The following LARS2 variants were observed in gnomAD, a reference collection of about 807,000 sequenced individuals.
The protein encoded by LARS2 is leucyl-tRNA synthetase 2, mitochondrial, also known as leucine--tRNA ligase, mitochondrial.
In LARS2, 81 loss-of-function variants were observed where a neutral mutation model predicts 116.6. That is an observed-to-expected ratio of 0.69 (90% CI 0.58 to 0.84). The LOEUF (loss-of-function observed/expected upper bound fraction) is 0.84, where lower values mean the gene tolerates loss of function less well. Ranked by LOEUF, LARS2 falls within the 40% of genes least tolerant of loss-of-function variation. The pLI is 0.00. For missense variants in LARS2, 968 were observed against 1,114.5 expected (o/e 0.87, Z 1.87); for synonymous variants, 396 against 407.2 (o/e 0.97, Z 0.33).
In LARS2 at chr3:45,498,155, G is replaced by A. The variant is rs181227947; in HGVS notation, c.1622+1782G>A. On this transcript the variant is annotated intron_variant, in intron 14 of 21. Transcript: ENST00000645846. Reference sequence around the variant, plus strand: ...CTTTCTCAGAGTGCTTCAAAGGAAAGCCTTCACACAGATGAGAGAGACCTC... The same window carrying A: ...CTTTCTCAGAGTGCTTCAAAGGAAAACCTTCACACAGATGAGAGAGACCTC... Among the ~76,000 whole-genome samples, 7 of 152,328 alleles carry A rather than the reference G, an allele frequency of 4.6e-5. No homozygotes were observed. The East Asian group carries it at 1.4e-3, about 29-fold the overall frequency.
At chr3:45,539,491 C>T (rs190442001) in intron 20 of LARS2, among the ~76,000 whole-genome samples, 37 of 152,076 alleles carry the variant, frequency 2.4e-4, no homozygotes, top group Admixed American at 1.9e-3. Context: ...ATTAGCCAGG[C>T]GTGGTGGTGC....
At chr3:45,447,274 A>G (rs1310008509) in intron 7 of LARS2, among the ~76,000 whole-genome samples, 1 of 152,162 alleles carries the variant, frequency 6.6e-6, no homozygotes, top group African/African-American at 2.4e-5. Flanking sequence ...TCTCCCAGCT[A>G]TGTGAACATC....
chr3:45,480,940 G>A (rs1161891162), intron 10 of LARS2, among the ~76,000 whole-genome samples: 1 of 152,048 alleles, frequency 6.6e-6, no homozygotes, highest in Non-Finnish European at 1.5e-5. Flanking sequence ...ACAATTCCAT[G>A]GTTTTTAATA....
At chr3:45,468,568 T>C (rs2125715201) in intron 8 of LARS2, among the ~76,000 whole-genome samples, 1 of 152,306 alleles carries the variant, frequency 6.6e-6, no homozygotes, top group East Asian at 1.9e-4. Context: ...GGCTCTGTCA[T>C]TAGGAGAGTT....
intron 6 of LARS2, among the ~76,000 whole-genome samples, chr3:45,437,320 T>G (rs1479404680): frequency 1.3e-5 from 2 of 152,176 alleles, no homozygotes; most frequent in African/African-American, 4.8e-5. Context: ...AGTCCTAAGA[T>G]AAAGGAACAT....
chr3:45,506,152 C>T (rs1700197792), intron 15 of LARS2, among the ~76,000 whole-genome samples: 1 of 152,058 alleles, frequency 6.6e-6, no homozygotes, highest in African/African-American at 2.4e-5. Context: ...ATGCTTTCCT[C>T]CTCCAAAAGA....
At chr3:45,425,576 GT>G (rs1698580573) in intron 6 of LARS2, among the ~76,000 whole-genome samples, 1 of 152,202 alleles carries the variant, frequency 6.6e-6, no homozygotes, top group Non-Finnish European at 1.5e-5. Flanking sequence ...GCCCTTCCAA[GT>G]TTTGTCCATC....
chr3:45,544,763 G>C (rs1489320065), intron 21 of LARS2, among the ~76,000 whole-genome samples: 1 of 152,198 alleles, frequency 6.6e-6, no homozygotes, highest in Non-Finnish European at 1.5e-5. Flanking sequence ...GGCAGTTGGA[G>C]AATCAGAAAA....
At chr3:45,465,486 A>T (rs978540603) in intron 8 of LARS2, among the ~76,000 whole-genome samples, 8 of 152,314 alleles carry the variant, frequency 5.3e-5, no homozygotes, top group African/African-American at 9.6e-5. Flanking sequence ...GGCCACAGAA[A>T]AGTAGACAAC....
intron 7 of LARS2, among the ~76,000 whole-genome samples, chr3:45,455,040 A>G (rs1040811583): frequency 6.6e-6 from 1 of 151,850 alleles, no homozygotes; most frequent in Admixed American, 6.6e-5. Context: ...CAGATGATGC[A>G]TCTTTTGAGA....
chr3:45,455,272 C>CACG (rs1236416074), intron 7 of LARS2, among the ~76,000 whole-genome samples: 1 of 152,046 alleles, frequency 6.6e-6, no homozygotes, highest in Non-Finnish European at 1.5e-5. Context: ...AAAATACAGT[C>CACG]CTATTTGTTC....
At chr3:45,518,780 G>A (rs1463358750) in intron 18 of LARS2, among the ~76,000 whole-genome samples, 3 of 151,960 alleles carry the variant, frequency 2.0e-5, no homozygotes, top group Admixed American at 6.5e-5. Context: ...AATCAGTGTC[G>A]CTCATCTGCA....
At chr3:45,392,033 C>T (rs575268572) in intron 2 of LARS2, among the ~76,000 whole-genome samples, 66 of 152,234 alleles carry the variant, frequency 4.3e-4, no homozygotes, top group African/African-American at 1.5e-3. Context: ...GCTAAACAGG[C>T]GTTCTTTGGC....
At chr3:45,529,235 A>G (rs879310376) in intron 20 of LARS2, among the ~76,000 whole-genome samples, 2 of 152,132 alleles carry the variant, frequency 1.3e-5, no homozygotes, top group Admixed American at 1.3e-4. Context: ...CTATCATTGA[A>G]CATTCAAACT....
rs1699614473 is a variant in LARS2 at position 45,476,576 on chromosome 3, G to A, written c.967G>A (p.Gly323Arg). Residue 323 changes from glycine (G) to arginine (R), a missense_variant, in exon 10 of 22, where the codon GGG becomes AGG. By Grantham distance (125) the Gly-to-Arg change is moderately radical. Transcript: ENST00000645846. ...AISPSHRLLH[G>R]HSSLKEALRM... ...CTCGCCCAGCCACAGACTCCTACAT[G>A]GGCACAGCTCTCTGAAGGAAGCCTT... 6.2e-7 allele frequency: 1 copy of A among 1,614,130 alleles called. No homozygotes were observed. Among genetic ancestry groups the A allele is most frequent in the Non-Finnish European group, 8.5e-7 (1 of 1,180,024 alleles).
intron 6 of LARS2, among the ~76,000 whole-genome samples, chr3:45,425,115 C>G (rs904246516): frequency 1.3e-5 from 2 of 151,576 alleles, no homozygotes; most frequent in Non-Finnish European, 2.9e-5. Context: ...TCTTGTTTTT[C>G]TATCTTATTT....
At chr3:45,442,425 AAACTGTATGC>A (rs1698928889) in intron 6 of LARS2, among the ~76,000 whole-genome samples, 1 of 152,256 alleles carries the variant, frequency 6.6e-6, no homozygotes, top group Admixed American at 6.5e-5. Context: ...GTATCAAGAA[AAACTGTATGC>A]AACTTCAAAA....
At chr3:45,426,405 AGGTGGG>A (rs1293039839) in intron 6 of LARS2, among the ~76,000 whole-genome samples, 1 of 152,198 alleles carries the variant, frequency 6.6e-6, no homozygotes, top group Non-Finnish European at 1.5e-5. Context: ...GTGCTCACAG[AGGTGGG>A]GCACTTTGTC....
chr3:45,413,644 A>G (rs112325698), intron 4 of LARS2, among the ~76,000 whole-genome samples: 1 of 152,246 alleles, frequency 6.6e-6, no homozygotes, highest in African/African-American at 2.4e-5. Flanking sequence ...GAGCAGCTCT[A>G]TTTTAGAGAG....
Sources: gnomAD v4.1 joint callset for allele counts (sites outside exome capture counted in the v4.1 genomes callset) on GRCh38, gnomAD v4.1.1 for gene constraint, MANE v1.5 for transcripts, NCBI Gene and HGNC (gene_info 2026-07-23, HGNC 2026-07-21) for gene names.